PRR5L: variants seen among roughly 807,000 people sequenced by gnomAD.
The protein encoded by PRR5L is proline rich 5 like.
Under a neutral mutation model 36.4 loss-of-function variants are expected in PRR5L, and 21 were observed. The observed-to-expected ratio is 0.58, with a 90% confidence interval of 0.41 to 0.83. The LOEUF (loss-of-function observed/expected upper bound fraction) is 0.83. Among genes scored for constraint, PRR5L ranks in the 40% least tolerant of loss-of-function variants. The pLI, the probability that PRR5L is intolerant of heterozygous loss-of-function variation, is 0.00. For missense variants in PRR5L, 381 were observed against 473.3 expected, an observed-to-expected ratio of 0.80 and a Z score of 1.81; for synonymous variants, 188 against 197.0, an observed-to-expected ratio of 0.95 and a Z score of 0.38.
At chr11:36,457,471 T>C (rs553588529) in intron 8 of PRR5L, among the ~76,000 whole-genome samples, 52 of 152,034 alleles carry the variant, frequency 3.4e-4, no homozygotes, top group Admixed American at 3.2e-3. Flanking sequence ...CTGGGTGTGG[T>C]GGTGGGCACC....
intron 1 of PRR5L, among the ~76,000 whole-genome samples, chr11:36,340,029 G>A (rs910289585): frequency 2.6e-5 from 4 of 152,174 alleles, no homozygotes; most frequent in African/African-American, 9.7e-5. Flanking sequence ...CAGCACAGTT[G>A]CTGCCATCCA....
At chr11:36,318,295 T>C (rs1041159959) in intron 1 of PRR5L, among the ~76,000 whole-genome samples, 1 of 152,130 alleles carries the variant, frequency 6.6e-6, no homozygotes, top group African/African-American at 2.4e-5. Flanking sequence ...CTGACTAGGG[T>C]TCTATTTACC....
At chr11:36,320,336 C>T (rs540278848) in intron 1 of PRR5L, among the ~76,000 whole-genome samples, 10 of 149,946 alleles carry the variant, frequency 6.7e-5, no homozygotes, top group Admixed American at 2.0e-4. Flanking sequence ...CTCTGCCTCC[C>T]GGGTTCAAGC....
At chr11:36,299,938 G>A (rs1306963026) in intron 1 of PRR5L, among the ~76,000 whole-genome samples, 1 of 152,118 alleles carries the variant, frequency 6.6e-6, no homozygotes, top group Admixed American at 6.5e-5. Context: ...GTGATGCAGG[G>A]GCTGGCAACA....
intron 1 of PRR5L, among the ~76,000 whole-genome samples, chr11:36,317,168 G>C (rs187117139): frequency 6.6e-6 from 1 of 152,196 alleles, no homozygotes; most frequent in Non-Finnish European, 1.5e-5. Context: ...AGCTTCAAAC[G>C]TTCTTCTCTC....
chr11:36,330,266 C>T (rs1188110055), intron 1 of PRR5L, among the ~76,000 whole-genome samples: 1 of 151,980 alleles, frequency 6.6e-6, no homozygotes, highest in Non-Finnish European at 1.5e-5. Context: ...TCCTTATATC[C>T]CCAGAAAATA....
intron 6 of PRR5L, among the ~76,000 whole-genome samples, 188 bp downstream of exon 6, chr11:36,437,664 A>G (rs1858633429): frequency 6.6e-6 from 1 of 152,202 alleles, no homozygotes; most frequent in Non-Finnish European, 1.5e-5. Flanking sequence ...CAAGTGAAGA[A>G]GAGTGCCTGC....
At chr11:36,340,730 G>C (rs973349141) in intron 1 of PRR5L, among the ~76,000 whole-genome samples, 3 of 152,188 alleles carry the variant, frequency 2.0e-5, no homozygotes, top group Non-Finnish European at 4.4e-5. Context: ...CCTGCCCCCT[G>C]TGCTGCCTGA....
chr11:36,420,588 G>A (rs898042522), intron 4 of PRR5L, among the ~76,000 whole-genome samples: 27 of 152,266 alleles, frequency 1.8e-4, no homozygotes, highest in African/African-American at 6.5e-4. Flanking sequence ...GTTTATATAA[G>A]TGCCTATGTG....
At chr11:36,449,133 T>G (rs1858893374) in intron 7 of PRR5L, among the ~76,000 whole-genome samples, 1 of 152,206 alleles carries the variant, frequency 6.6e-6, no homozygotes, top group South Asian at 2.1e-4. Flanking sequence ...GGGCTGGGGA[T>G]GTGACTGTGA....
rs1565408848 is a variant in PRR5L at position 36,351,600 on chromosome 11, TAA to T, written c.-125-49395_-125-49394del. ...ATAAATATATATTTATATATTTATATAAATATATATTTATATATTTATATATT... is the reference window on the plus strand; with the variant it reads ...ATAAATATATATTTATATATTTATATATATATATTTATATATTTATATATT... On this transcript the variant is annotated intron_variant, in intron 1 of 8. Coordinates refer to ENST00000530639, the MANE Select transcript of PRR5L (RefSeq NM_001160167.2). 2.9e-3 allele frequency among the ~76,000 whole-genome samples: 32 copies of T among 10,950 alleles called. 5 individuals are homozygous for T. Among genetic ancestry groups the T allele is most frequent in the African/African-American group, 0.014 (32 of 2,258 alleles). 7.2% of individuals were successfully genotyped at this position (10,950 alleles called of 152,430 possible).
chr11:36,351,579 A>ATATATATT lies in PRR5L; in HGVS notation c.-125-49403_-125-49396dup, dbSNP rs1379852837. ...TTTATATATTTATATATTTATATAA[A>ATATATATT]TATATATTTATATATTTATATAAAT... is the stretch of plus-strand genomic sequence containing the variant. On this transcript the variant is annotated intron_variant, in intron 1 of 8. Coordinates refer to ENST00000530639, the MANE Select transcript of PRR5L (RefSeq NM_001160167.2). Among the ~76,000 whole-genome samples, 2 of 11,644 alleles carry ATATATATT rather than the reference A, an allele frequency of 1.7e-4. 1 individual carries two copies. The highest frequency in any genetic ancestry group is 2.5e-4 in the Non-Finnish European group (2 of 7,852). 7.6% of individuals were successfully genotyped at this position (11,644 alleles called of 152,430 possible).
At chr11:36,432,453 A>G (rs1372871423) in intron 5 of PRR5L, among the ~76,000 whole-genome samples, 1 of 152,200 alleles carries the variant, frequency 6.6e-6, no homozygotes, top group Non-Finnish European at 1.5e-5. Context: ...GAAAGAAAGG[A>G]ACTGAATGGA....
At chr11:36,388,289 A>T (rs147003333) in intron 1 of PRR5L, 3 of 152,328 alleles carry the variant, frequency 2.0e-5, no homozygotes, top group Admixed American at 2.0e-4. Context: ...CTAGAGCCCA[A>T]CTTGGGATCA....
intron 1 of PRR5L, among the ~76,000 whole-genome samples, chr11:36,328,051 C>T (rs1327580124): frequency 1.3e-5 from 2 of 152,160 alleles, no homozygotes; most frequent in East Asian, 3.9e-4. Flanking sequence ...AAATATGTTA[C>T]AGAGTTTGCC....
intron 1 of PRR5L, chr11:36,376,518 A>G: frequency 4.9e-6 from 5 of 1,025,744 alleles, no homozygotes; most frequent in Non-Finnish European, 5.9e-6. Context: ...GGGAGGAGGG[A>G]GGGACGGAGG....
intron 4 of PRR5L, among the ~76,000 whole-genome samples, chr11:36,431,369 A>T (rs1308672618): frequency 6.6e-6 from 1 of 152,202 alleles, no homozygotes; most frequent in Non-Finnish European, 1.5e-5. Flanking sequence ...TCCCATGCAC[A>T]CATTCATTGA....
chr11:36,376,345 A>AGAGGAGGAGGAG (rs145114661), intron 1 of PRR5L: 8 of 901,006 alleles, frequency 8.9e-6, no homozygotes, highest in African/African-American at 6.4e-5. Flanking sequence ...AGGAGGAGGA[A>AGAGGAGGAGGAG]GAGGAGGAGG....
intron 1 of PRR5L, among the ~76,000 whole-genome samples, chr11:36,358,652 A>T (rs1857053439): frequency 6.6e-6 from 1 of 152,226 alleles, no homozygotes; most frequent in South Asian, 2.1e-4. Context: ...CAAACCTGCA[A>T]TATCTCCAAG....
Sources: allele counts gnomAD v4.1 joint callset (sites outside exome capture counted in the v4.1 genomes callset), GRCh38; gene constraint gnomAD v4.1.1; transcripts MANE v1.5; gene names NCBI Gene and HGNC (gene_info 2026-07-23, HGNC 2026-07-21).